CCT3: variants seen among roughly 807,000 people sequenced by gnomAD.
The protein encoded by CCT3 is chaperonin containing TCP1 subunit 3.
A neutral mutation model predicts 65.3 loss-of-function variants in CCT3; 10 were observed. That is an observed-to-expected ratio of 0.15 (90% confidence interval 0.09 to 0.26). The LOEUF is 0.26. Among genes scored for constraint, CCT3 ranks in the 10% least tolerant of loss-of-function variants. The pLI, the probability that CCT3 is intolerant of heterozygous loss-of-function variation, is 1.00. For synonymous variants in CCT3, 225 were observed against 242.3 expected, an observed-to-expected ratio of 0.93 and a Z score of 0.66; for missense variants, 626 against 708.7, an observed-to-expected ratio of 0.88 and a Z score of 1.33.
chr1:156,332,345 A>G (rs1665137750), intron 5 of CCT3, among the ~76,000 whole-genome samples: 1 of 152,248 alleles, frequency 6.6e-6, no homozygotes, highest in Non-Finnish European at 1.5e-5. Context: ...TGTTTCTAGT[A>G]TAAAAATTTT....
chr1:156,325,739 A>C (rs1280894712), intron 5 of CCT3, among the ~76,000 whole-genome samples: 3 of 151,874 alleles, frequency 2.0e-5, no homozygotes, highest in African/African-American at 7.3e-5. Flanking sequence ...CACCACACCC[A>C]GCTAACTTTT....
At chr1:156,318,033 A>T (rs1029138276) in intron 8 of CCT3, among the ~76,000 whole-genome samples, 1 of 151,750 alleles carries the variant, frequency 6.6e-6, no homozygotes, top group Non-Finnish European at 1.5e-5. Flanking sequence ...TATCATTATA[A>T]AACAACCAGA....
intron 13 of CCT3, 71 bp from the exon 14 acceptor site, chr1:156,309,374 A>G: frequency 1.0e-6 from 1 of 993,438 alleles, no homozygotes. Context: ...CTTTAGATCT[A>G]TCACCTAGAT....
chr1:156,328,233 A>G (rs71519506), intron 5 of CCT3, among the ~76,000 whole-genome samples: 73,490 of 113,300 alleles, frequency 0.65, 23,516 homozygotes, highest in Admixed American at 0.67. Context: ...GGAGGGAGGT[A>G]GGGGGGTCAG....
intron 5 of CCT3, among the ~76,000 whole-genome samples, chr1:156,327,297 G>A (rs867365301): frequency 2.7e-5 from 4 of 150,882 alleles, no homozygotes; most frequent in Non-Finnish European, 4.4e-5. Context: ...CCCTCTCCAC[G>A]GTCTCCCTCT....
chr1:156,317,714 T>A lies in CCT3; in HGVS notation c.760-167A>T, dbSNP rs919628258. 2.0e-5 allele frequency among the ~76,000 whole-genome samples: 3 copies of A among 147,528 alleles called. No individual in the cohort carries two copies. The East Asian group carries it at 5.9e-4, about 29-fold the overall frequency. ...AAGCCAATTTAGCTTTAGTTTTGCTTTTTTTTTTTTTTGAGACGGAATCTT... is the reference window on the plus strand; with the variant it reads ...AAGCCAATTTAGCTTTAGTTTTGCTATTTTTTTTTTTTGAGACGGAATCTT... On this transcript the variant is annotated intron_variant, in intron 8 of 13. Coordinates refer to ENST00000295688, the MANE Select transcript of CCT3 (RefSeq NM_005998.5).
At chr1:156,316,266 G>A (rs1335735354) in intron 10 of CCT3, among the ~76,000 whole-genome samples, 1 of 152,122 alleles carries the variant, frequency 6.6e-6, no homozygotes, top group Non-Finnish European at 1.5e-5. Flanking sequence ...GATGTGTATA[G>A]GTTATACACA....
At chr1:156,334,007 G>A (rs2101676734) in intron 4 of CCT3, among the ~76,000 whole-genome samples, 1 of 152,262 alleles carries the variant, frequency 6.6e-6, no homozygotes, top group South Asian at 2.1e-4. Context: ...GGAGGCGGAG[G>A]CAGGTGGATC....
intron 10 of CCT3, among the ~76,000 whole-genome samples, chr1:156,313,350 G>GAAA (rs58926932): frequency 5.6e-5 from 6 of 106,746 alleles, no homozygotes; most frequent in African/African-American, 3.2e-5. Flanking sequence ...AAAAAAAAAA[G>GAAA]AAAAAAAAAA....
At chr1:156,319,273 CG>C (rs1198589340) in intron 7 of CCT3, among the ~76,000 whole-genome samples, 1 of 142,922 alleles carries the variant, frequency 7.0e-6, no homozygotes, top group East Asian at 2.1e-4. Context: ...CCACCACACC[CG>C]GCTAATTTTT....
At chr1:156,316,711 T>C (rs1419409518) in intron 10 of CCT3, among the ~76,000 whole-genome samples, 4 of 152,222 alleles carry the variant, frequency 2.6e-5, no homozygotes. Flanking sequence ...AAGAATGGTC[T>C]ATGAGCACAG....
At chr1:156,327,279 T>C (rs1188255979) in intron 5 of CCT3, among the ~76,000 whole-genome samples, 1 of 152,022 alleles carries the variant, frequency 6.6e-6, no homozygotes, top group African/African-American at 2.4e-5. Context: ...CTCTCCCCTC[T>C]CCCCTCTCCC....
intron 6 of CCT3, among the ~76,000 whole-genome samples, chr1:156,322,178 C>T (rs770581171): frequency 5.9e-5 from 9 of 152,122 alleles, no homozygotes; most frequent in Non-Finnish European, 1.3e-4. Flanking sequence ...CTGGAAGCTG[C>T]AGTAAGCTGT....
chr1:156,312,389 A>G (rs1348072049), intron 10 of CCT3, among the ~76,000 whole-genome samples, 168 bp from the exon 11 acceptor site: 2 of 152,164 alleles, frequency 1.3e-5, no homozygotes, highest in Non-Finnish European at 2.9e-5. Context: ...GGCCAGGCAC[A>G]GTGGCTCACA....
chr1:156,313,877 C>G (rs1664192842), intron 10 of CCT3, among the ~76,000 whole-genome samples: 1 of 152,154 alleles, frequency 6.6e-6, no homozygotes, highest in Non-Finnish European at 1.5e-5. Context: ...ATCACGAGGT[C>G]AAGAGATTGA....
intron 10 of CCT3, 45 bp from the exon 11 acceptor site, chr1:156,312,266 T>C (rs372551668): frequency 7.0e-6 from 11 of 1,576,080 alleles, no homozygotes; most frequent in Non-Finnish European, 6.9e-6. Flanking sequence ...TTTCAGATAC[T>C]TGTACCCATT....
rs1350613819 is a variant in CCT3, at chr1:156,309,096, T to C, written c.*103A>G. ...AGGGACTGGGGGCTGCCCCCCAACC[T>C]GATCCCTTCTGAACAAAGACGTCCA... On this transcript the variant is annotated 3_prime_UTR_variant, in exon 14 of 14. Coordinates refer to ENST00000295688, the MANE Select transcript of CCT3 (RefSeq NM_005998.5). 1.3e-6 allele frequency: 1 copy of C among 793,704 alleles called. No individual in the cohort carries two copies. The highest frequency in any genetic ancestry group is 2.2e-6 in the Non-Finnish European group (1 of 459,772). The allele number at this position is 793,704 out of a possible 1,614,324, so 49.2% of individuals were successfully genotyped here. A position where few individuals can be genotyped will look rare whatever the true frequency, so the allele number is the denominator to read the frequency against.
rs1664357177 is a variant in CCT3, at chr1:156,317,469, C to T, written c.838G>A (p.Glu280Lys). ...MEEEYIQQLCEDIIQLKPDVV... is the reference protein window; with the variant it reads ...MEEEYIQQLCKDIIQLKPDVV... ...TCGGGCTTCAGTTGGATAATGTCCTCACAGAGCTGCTGGATGTACTCTTCC... is the reference window on the plus strand; with the variant it reads ...TCGGGCTTCAGTTGGATAATGTCCTTACAGAGCTGCTGGATGTACTCTTCC... Residue 280 changes from glutamate to lysine, a missense_variant, in exon 9 of 14, where the codon GAG becomes AAG. Physicochemically the swap from Glu to Lys is moderately conservative, Grantham distance 56 (BLOSUM62 1). Transcript: ENST00000295688. 1 of 1,614,084 alleles carries T rather than the reference C, an allele frequency of 6.2e-7. No individual in the cohort carries two copies. Among genetic ancestry groups the T allele is most frequent in the South Asian group, 1.1e-5 (1 of 91,078 alleles).
In CCT3 at chr1:156,310,967, G is replaced by T; in HGVS notation, c.1384C>A (p.Leu462Ile). 1 of 1,614,138 alleles carries T rather than the reference G, an allele frequency of 6.2e-7. No homozygotes were observed. Among genetic ancestry groups the T allele is most frequent in the Non-Finnish European group, 8.5e-7 (1 of 1,180,020 alleles). Residue 462 changes from leucine (L) to isoleucine (I), a missense_variant, in exon 12 of 14, where the codon CTA (leucine) becomes ATA (isoleucine). Coordinates refer to ENST00000295688, the MANE Select transcript of CCT3 (RefSeq NM_005998.5). ...GAACTCACCCGAAGGGAGGTAAGTA[G>T]ACGGATGGTGCTGGCCCCACAGTTC... ...IQNCGASTIR[L>I]LTSLRAKHTQ...
Sources: allele counts gnomAD v4.1 joint callset (sites outside exome capture counted in the v4.1 genomes callset), GRCh38; gene constraint gnomAD v4.1.1; transcripts MANE v1.5; gene names NCBI Gene and HGNC (gene_info 2026-07-23, HGNC 2026-07-21).